IGF2BP2: variants seen among roughly 807,000 people sequenced by gnomAD.
The protein encoded by IGF2BP2 is insulin like growth factor 2 mRNA binding protein 2.
In IGF2BP2, 17 loss-of-function variants were observed where a neutral mutation model predicts 75.8. The observed-to-expected ratio is 0.22, with a 90% CI of 0.15 to 0.34. The LOEUF is 0.34. IGF2BP2 is among the 10% of genes least tolerant of loss of function. The probability of loss-of-function intolerance (pLI) is 1.00; values close to 1 mark genes in which losing one functional copy is unlikely to be tolerated. For synonymous variants in IGF2BP2, 288 were observed against 295.6 expected, an observed-to-expected ratio of 0.97 and a Z score of 0.26; for missense variants, 516 against 772.4, an observed-to-expected ratio of 0.67 and a Z score of 3.93.
intron 2 of IGF2BP2, among the ~76,000 whole-genome samples, chr3:185,812,050 A>G (rs1282564448): frequency 6.6e-6 from 1 of 152,174 alleles, no homozygotes; most frequent in African/African-American, 2.4e-5. Context: ...AACAAAAATC[A>G]TGTATGTAGG....
chr3:185,744,967 T>C (rs1223182292), intron 2 of IGF2BP2, among the ~76,000 whole-genome samples: 2 of 152,178 alleles, frequency 1.3e-5, no homozygotes, highest in Non-Finnish European at 2.9e-5. Flanking sequence ...TTAGGTTGTT[T>C]CTAAATTTAT....
At chr3:185,705,965 C>T (rs192048431) in intron 2 of IGF2BP2, among the ~76,000 whole-genome samples, 172 of 152,306 alleles carry the variant, frequency 1.1e-3, no homozygotes, top group Non-Finnish European at 2.1e-3. Context: ...GAGATTAATT[C>T]ATTTATCTCC....
chr3:185,722,008 G>A (rs1460706925), intron 2 of IGF2BP2: 1 of 231,704 alleles, frequency 4.3e-6, no homozygotes, highest in Admixed American at 5.9e-5. Context: ...GCAAGTACTT[G>A]TTTTTTTTTT....
intron 10 of IGF2BP2, among the ~76,000 whole-genome samples, chr3:185,667,535 G>A (rs1033232832): frequency 5.9e-5 from 9 of 152,164 alleles, no homozygotes; most frequent in Non-Finnish European, 8.8e-5. Context: ...TTGGATGGAA[G>A]AAGGCTTTTT....
At chr3:185,802,514 G>T (rs188594107) in intron 2 of IGF2BP2, among the ~76,000 whole-genome samples, 1 of 152,218 alleles carries the variant, frequency 6.6e-6, no homozygotes, top group Admixed American at 6.5e-5. Flanking sequence ...CTAATGCATC[G>T]TAGTGGGTGC....
intron 2 of IGF2BP2, among the ~76,000 whole-genome samples, chr3:185,819,556 C>G (rs774480917): frequency 6.6e-6 from 1 of 151,824 alleles, no homozygotes; most frequent in Non-Finnish European, 1.5e-5. Flanking sequence ...AGGGTATTAC[C>G]TAGCACCATG....
intron 10 of IGF2BP2, among the ~76,000 whole-genome samples, chr3:185,669,826 T>C (rs1044058092): frequency 3.9e-5 from 6 of 152,222 alleles, no homozygotes; most frequent in Admixed American, 2.0e-4. Flanking sequence ...CACCACCCTA[T>C]GCTGCTGTTC....
intron 10 of IGF2BP2, among the ~76,000 whole-genome samples, chr3:185,666,092 A>G (rs1717581404): frequency 6.6e-6 from 1 of 152,184 alleles, no homozygotes; most frequent in East Asian, 1.9e-4. Flanking sequence ...AGACACCCAG[A>G]ATTCATTCAC....
rs1259142949 is a variant in IGF2BP2, at chr3:185,658,434, T to C, written c.1201-25A>G. The C allele has an allele frequency of 1.7e-5, 27 of 1,605,476 alleles. 1 individual carries two copies. The Admixed American group carries it at 4.5e-4, about 27-fold the overall frequency. On this transcript the variant is annotated intron_variant, in intron 10 of 15. Transcript: ENST00000382199. ...TCTGCAGCATGAGAGAAAGAGTCAG[T>C]GGGCGGGTGCTCTCAGGGACTGTCA...
Position 185,671,928 on chromosome 3 carries a change from G to C in IGF2BP2, c.1200+613C>G, listed in dbSNP as rs1363108213. Reference sequence around the variant, plus strand: ...TGAGCCCCCAATTTGGTAATGTACTGATCTTGAATAATGCTTGTGAATGAA... The same window carrying C: ...TGAGCCCCCAATTTGGTAATGTACTCATCTTGAATAATGCTTGTGAATGAA... On this transcript the variant is annotated intron_variant, in intron 10 of 15. Transcript: ENST00000382199. Among the ~76,000 whole-genome samples, 6 of 152,316 alleles carry C rather than the reference G, an allele frequency of 3.9e-5. No individual in the cohort carries two copies. In the South Asian group the frequency reaches 8.3e-4, roughly 21 times the overall value.
At chr3:185,808,974 G>A (rs139325371) in intron 2 of IGF2BP2, among the ~76,000 whole-genome samples, 3 of 152,144 alleles carry the variant, frequency 2.0e-5, no homozygotes, top group Non-Finnish European at 4.4e-5. Context: ...TGTTAGACTT[G>A]TCTGGTTTTT....
At chr3:185,770,619 C>A (rs1733748754) in intron 2 of IGF2BP2, among the ~76,000 whole-genome samples, 1 of 152,270 alleles carries the variant, frequency 6.6e-6, no homozygotes, top group Admixed American at 6.5e-5. Flanking sequence ...TCCCATAGCA[C>A]CTGTGACACC....
chr3:185,658,253 C>T (rs1246381494), intron 11 of IGF2BP2, 88 bp downstream of exon 11: 2 of 1,218,026 alleles, frequency 1.6e-6, no homozygotes, highest in East Asian at 2.3e-5. Context: ...ACAAGATCTG[C>T]ATTGTGAACA....
intron 9 of IGF2BP2, 54 bp downstream of exon 9, chr3:185,675,241 GC>G: frequency 6.4e-7 from 1 of 1,565,336 alleles, no homozygotes; most frequent in Non-Finnish European, 8.6e-7. Flanking sequence ...TAGCTGAATG[GC>G]AAGTATTTTT....
intron 2 of IGF2BP2, among the ~76,000 whole-genome samples, chr3:185,768,249 C>A (rs1408595554): frequency 6.6e-6 from 1 of 152,136 alleles, no homozygotes; most frequent in Non-Finnish European, 1.5e-5. Flanking sequence ...AGAACTTTCC[C>A]AAGAGTATCT....
intron 2 of IGF2BP2, among the ~76,000 whole-genome samples, chr3:185,752,709 C>T (rs1353027858): frequency 6.6e-6 from 1 of 151,936 alleles, no homozygotes; most frequent in Non-Finnish European, 1.5e-5. Flanking sequence ...CCTGTCTCAG[C>T]CCTCAGCCTC....
At chr3:185,656,580 C>T (rs972518873) in intron 12 of IGF2BP2, among the ~76,000 whole-genome samples, 1 of 152,200 alleles carries the variant, frequency 6.6e-6, no homozygotes, top group Non-Finnish European at 1.5e-5. Flanking sequence ...ACTCTGTTTC[C>T]GAAAATGTTT....
chr3:185,739,849 C>CA (rs1355346018), intron 2 of IGF2BP2, among the ~76,000 whole-genome samples: 1 of 66,168 alleles, frequency 1.5e-5, no homozygotes, highest in Non-Finnish European at 3.2e-5. Flanking sequence ...TTCCCTCCCC[C>CA]CCACCCCCCC....
chr3:185,720,279 T>G (rs1354314058), intron 2 of IGF2BP2, among the ~76,000 whole-genome samples: 1 of 152,220 alleles, frequency 6.6e-6, no homozygotes, highest in Admixed American at 6.5e-5. Context: ...TAAAGCAATC[T>G]GTAGTTTTTG....
Sources: allele counts gnomAD v4.1 joint callset (sites outside exome capture counted in the v4.1 genomes callset), GRCh38; gene constraint gnomAD v4.1.1; transcripts MANE v1.5; gene names NCBI Gene and HGNC (gene_info 2026-07-23, HGNC 2026-07-21).